DIS3L2: variants seen among roughly 807,000 people sequenced by gnomAD.
DIS3L2 encodes the protein DIS3-like exonuclease 2.
In DIS3L2, 34 loss-of-function variants were observed where a neutral mutation model predicts 97.5. That is an observed-to-expected ratio of 0.35 (90% CI 0.27 to 0.46). The LOEUF is 0.46. Ranked by LOEUF, DIS3L2 falls within the 20% of genes least tolerant of loss-of-function variation. DIS3L2 has a pLI of 1.00. For synonymous variants in DIS3L2, 435 were observed against 445.2 expected (o/e 0.98, Z 0.29); for missense variants, 1,038 against 1,146.0 (o/e 0.91, Z 1.36).
chr2:232,201,802 A>G (rs1231825866), intron 9 of DIS3L2, among the ~76,000 whole-genome samples: 2 of 152,204 alleles, frequency 1.3e-5, no homozygotes, highest in East Asian at 3.8e-4. Context: ...TCAAAAATAA[A>G]CACACAAAAC....
intron 5 of DIS3L2, among the ~76,000 whole-genome samples, chr2:232,071,381 G>A (rs987195863): frequency 5.3e-5 from 8 of 152,048 alleles, no homozygotes; most frequent in African/African-American, 1.9e-4. Flanking sequence ...AGGTAGCCAG[G>A]CATGTTGGTG....
At chr2:232,273,753 G>A (rs1694066821) in intron 13 of DIS3L2, among the ~76,000 whole-genome samples, 1 of 152,284 alleles carries the variant, frequency 6.6e-6, no homozygotes, top group Admixed American at 6.5e-5. Context: ...CCAGGGGAAG[G>A]GAAAGAGACC....
Position 232,204,763 on chromosome 2 carries a change from A to G in DIS3L2, c.1125-5563A>G, listed in dbSNP as rs560271959. Among the ~76,000 whole-genome samples the G allele has an allele frequency of 4.6e-5, 7 of 152,300 alleles. No homozygotes were observed. The East Asian group carries it at 1.2e-3, about 25-fold the overall frequency. On this transcript the variant is annotated intron_variant, in intron 9 of 20. Transcript: ENST00000325385. ...ACTGAGTGTAACAGCTGCACAGTGCACCGCCTCCATCACCCTCAACCCCAC... is the reference window on the plus strand; with the variant it reads ...ACTGAGTGTAACAGCTGCACAGTGCGCCGCCTCCATCACCCTCAACCCCAC...
At chr2:232,113,020 T>A (rs868466063) in intron 6 of DIS3L2, among the ~76,000 whole-genome samples, 1 of 151,422 alleles carries the variant, frequency 6.6e-6, no homozygotes, top group South Asian at 2.1e-4. Flanking sequence ...AGAAAAAAAA[T>A]GGGCTGTGAT....
At chr2:232,081,743 T>C (rs1696407459) in intron 5 of DIS3L2, among the ~76,000 whole-genome samples, 1 of 152,226 alleles carries the variant, frequency 6.6e-6, no homozygotes, top group Non-Finnish European at 1.5e-5. Flanking sequence ...GTCCATTTCC[T>C]GCTCCAGATT....
chr2:232,240,892 A>C (rs989762055), intron 11 of DIS3L2, among the ~76,000 whole-genome samples: 1 of 151,872 alleles, frequency 6.6e-6, no homozygotes, highest in African/African-American at 2.4e-5. Context: ...GAAAAAATCA[A>C]ATTGGGTTAA....
chr2:232,192,607 C>T (rs1435784061), intron 9 of DIS3L2, among the ~76,000 whole-genome samples: 2 of 152,146 alleles, frequency 1.3e-5, no homozygotes, highest in Non-Finnish European at 2.9e-5. Context: ...TCTAGAAAGT[C>T]GCGGCACCCT....
chr2:232,010,642 C>T (rs981935764), intron 1 of DIS3L2, among the ~76,000 whole-genome samples: 2 of 151,896 alleles, frequency 1.3e-5, no homozygotes, highest in African/African-American at 2.4e-5. Flanking sequence ...GAGTTTCCTT[C>T]GCTATTCGGC....
chr2:232,343,412 A>G (rs1006546851), exon 14 of DIS3L2: 12 of 1,555,918 alleles, frequency 7.7e-6, no homozygotes, highest in African/African-American at 1.4e-5. Context: ...GAAGATGCAG[A>G]AGCACAGCCC....
At chr2:232,034,908 A>G (rs1165706533) in intron 5 of DIS3L2, among the ~76,000 whole-genome samples, 1 of 152,200 alleles carries the variant, frequency 6.6e-6, no homozygotes, top group Non-Finnish European at 1.5e-5. Flanking sequence ...GTTTTAGAAT[A>G]AGTGTGATGT....
chr2:232,281,857 T>C lies in DIS3L2; in HGVS notation c.1660-18183T>C, dbSNP rs1694296080. ...GCTCCTCTTCTACCTTGCCACAGGC[T>C]GCTGCCTCTGAGTTAAAGAGACATG... On this transcript the variant is annotated intron_variant, in intron 13 of 20. Transcript: ENST00000325385. The surrounding 1 kb of genome is among the most constrained non-coding windows in gnomAD (Gnocchi z 4.1). Among the ~76,000 whole-genome samples the C allele has an allele frequency of 6.6e-6, 1 of 152,076 alleles. No homozygotes were observed. The highest frequency in any genetic ancestry group is 2.1e-4 in the South Asian group (1 of 4,834).
rs1693923393 is a variant in DIS3L2, at chr2:232,269,270, G to A, written c.1659+5830G>A. Among the ~76,000 whole-genome samples, 1 of 152,130 alleles carries A rather than the reference G, an allele frequency of 6.6e-6. No homozygotes were observed. Among genetic ancestry groups the A allele is most frequent in the South Asian group, 2.1e-4 (1 of 4,832 alleles). On this transcript the variant is annotated intron_variant, in intron 13 of 20. Coordinates refer to ENST00000325385, the MANE Select transcript of DIS3L2 (RefSeq NM_152383.5). This position sits in a 1 kb window ranked among gnomAD's most constrained non-coding sequence, Gnocchi z 4.5. ...TCTGTTCCTTCTCTCCAATACAGTC[G>A]CTTTCAAGAAATGAGCATTCCAGCT...
intron 1 of DIS3L2, among the ~76,000 whole-genome samples, chr2:231,995,473 T>C (rs980258355): frequency 6.6e-6 from 1 of 152,182 alleles, no homozygotes; most frequent in Non-Finnish European, 1.5e-5. Context: ...GTGTATTTTT[T>C]CTAGCCTATT....
chr2:232,009,290 A>T (rs191501477), intron 1 of DIS3L2, among the ~76,000 whole-genome samples: 1 of 152,280 alleles, frequency 6.6e-6, no homozygotes, highest in East Asian at 1.9e-4. Context: ...ATCTTATGAA[A>T]ACTGGATATT....
chr2:232,247,175 G>A (rs1693274390), intron 11 of DIS3L2, among the ~76,000 whole-genome samples: 1 of 152,186 alleles, frequency 6.6e-6, no homozygotes, highest in South Asian at 2.1e-4. Context: ...CATGCTGGGT[G>A]GCTGAGCAGC....
At chr2:232,300,912 C>T (rs1358074827) in intron 14 of DIS3L2, among the ~76,000 whole-genome samples, 1 of 152,068 alleles carries the variant, frequency 6.6e-6, no homozygotes, top group African/African-American at 2.4e-5. Flanking sequence ...CCTCAGCCTC[C>T]CAAAGTGCTG....
chr2:232,249,294 T>C lies in DIS3L2; in HGVS notation c.1373T>C (p.Met458Thr), dbSNP rs1356523351. Reference sequence around the variant, plus strand: ...GAGGAGCTGTGCAGCCTCAACCCCATGTCCGACAAGCTGACCTTCTCTGTG... The same window carrying C: ...GAGGAGCTGTGCAGCCTCAACCCCACGTCCGACAAGCTGACCTTCTCTGTG... ...LCEELCSLNPMSDKLTFSVIW... is the reference protein window; with the variant it reads ...LCEELCSLNPTSDKLTFSVIW... Residue 458 changes from methionine (M) to threonine (T), a missense_variant, in exon 12 of 21, where the codon ATG becomes ACG. Coordinates refer to ENST00000325385, the MANE Select transcript of DIS3L2 (RefSeq NM_152383.5). The C allele has an allele frequency of 6.8e-6, 11 of 1,614,100 alleles. No individual in the cohort carries two copies. Among genetic ancestry groups the C allele is most frequent in the African/African-American group, 1.3e-5 (1 of 74,944 alleles).
intron 9 of DIS3L2, among the ~76,000 whole-genome samples, chr2:232,173,607 A>G (rs1691056549): frequency 6.6e-6 from 1 of 152,198 alleles, no homozygotes; most frequent in Non-Finnish European, 1.5e-5. Flanking sequence ...ATCTTTGTAA[A>G]TGGTGTGAGG....
chr2:232,140,083 C>T (rs79305059), intron 8 of DIS3L2, among the ~76,000 whole-genome samples: 528 of 152,242 alleles, frequency 3.5e-3, no homozygotes, highest in African/African-American at 0.012. Context: ...TCAAACTTGC[C>T]ATTTCCCAAG....
Sources: allele counts gnomAD v4.1 joint callset (sites outside exome capture counted in the v4.1 genomes callset), GRCh38; gene constraint gnomAD v4.1.1; non-coding constraint Gnocchi (gnomAD v3.1); transcripts MANE v1.5; gene names NCBI Gene and HGNC (gene_info 2026-07-23, HGNC 2026-07-21).